The following ADGRE5 variants were observed in gnomAD, a reference collection of about 807,000 sequenced individuals.
ADGRE5 encodes the protein CD97 molecule.
Under a neutral mutation model 100.3 loss-of-function variants are expected in ADGRE5, and 72 were observed. The observed-to-expected ratio is 0.72, with a 90% CI of 0.59 to 0.87. The LOEUF is 0.87. Among genes scored for constraint, ADGRE5 ranks in the 40% least tolerant of loss-of-function variants. The probability of loss-of-function intolerance (pLI) is 0.00; values close to 1 mark genes in which losing one functional copy is unlikely to be tolerated. For synonymous variants in ADGRE5, 439 were observed against 447.8 expected (o/e 0.98, Z 0.25); for missense variants, 959 against 1,094.7 (o/e 0.88, Z 1.75).
chr19:14,399,601 G>A (rs1469770239), intron 9 of ADGRE5, among the ~76,000 whole-genome samples: 2 of 141,484 alleles, frequency 1.4e-5, no homozygotes, highest in East Asian at 2.1e-4. Context: ...AAAATTAGCT[G>A]GCGTGGTGGT....
rs201012570 is a variant in ADGRE5 at position 14,388,725 on chromosome 19, A to G, written c.97A>G (p.Asn33Asp). The G allele has an allele frequency of 1.1e-3, 1,746 of 1,607,854 alleles. 23 individuals are homozygous for G. The South Asian group carries it at 0.014, about 13-fold the overall frequency. ...AGGCTGTGCCCGGTGGTGCCCTCAG[A>G]ACTCCTCGTGTGTCAATGCCACCGC... ...SRGCARWCPQ[N>D]SSCVNATACR... Residue 33 changes from asparagine to aspartate, a missense_variant, in exon 3 of 20, where the codon AAC becomes GAC. By Grantham distance (23) the Asn-to-Asp change is conservative. Around this residue, in one of 6 missense-constraint regions of ADGRE5, gnomAD observed 114 missense variants for 195.7 expected, o/e 0.58. Coordinates refer to ENST00000242786, the MANE Select transcript of ADGRE5 (RefSeq NM_078481.4).
At chr19:14,404,344 T>G in intron 12 of ADGRE5, 39 bp from the exon 13 acceptor site, 1 of 1,582,732 alleles carries the variant, frequency 6.3e-7, no homozygotes, top group African/African-American at 1.4e-5. Context: ...AAGAGTGAGC[T>G]CCAGGCCAAC....
chr19:14,400,741 A>C (rs1351378139), intron 9 of ADGRE5, among the ~76,000 whole-genome samples: 1 of 152,078 alleles, frequency 6.6e-6, no homozygotes, highest in Non-Finnish European at 1.5e-5. Flanking sequence ...GCAGTGAGCC[A>C]AGATCGCGCC....
At position 14,402,877 on chromosome 19, in the gene ADGRE5, T is replaced by C. The variant is rs200692235; in HGVS notation, c.1449+15T>C. On this transcript the variant is annotated intron_variant, in intron 12 of 19. Coordinates refer to ENST00000242786, the MANE Select transcript of ADGRE5 (RefSeq NM_078481.4). Reference sequence around the variant, plus strand: ...CTCCTGCCAAGGTCTCTGCTCACTCTGCTCACTTCCTCAAAGATAACCCAG... The same window carrying C: ...CTCCTGCCAAGGTCTCTGCTCACTCCGCTCACTTCCTCAAAGATAACCCAG... The C allele has an allele frequency of 1.0e-3, 1,638 of 1,613,066 alleles. 2 individuals are homozygous for C. The highest frequency in any genetic ancestry group is 1.2e-3 in the Non-Finnish European group (1,409 of 1,179,406).
chr19:14,400,310 G>T (rs185199297), intron 9 of ADGRE5, among the ~76,000 whole-genome samples: 1 of 151,638 alleles, frequency 6.6e-6, no homozygotes, highest in Non-Finnish European at 1.5e-5. Context: ...GTGAGCCACC[G>T]CGCCCAGCCA....
chr19:14,405,774 G>C lies in ADGRE5; in HGVS notation c.1656G>C (p.Arg552Ser), dbSNP rs781476679. The C allele has an allele frequency of 5.6e-6, 9 of 1,613,646 alleles. No individual in the cohort carries two copies. The South Asian group carries it at 9.9e-5, about 18-fold the overall frequency. ...ACTGGAAGCTGACCCTGATCACCAG[G>C]GTGGGACTGGCGCTGTCACTCTTCT... is the stretch of plus-strand genomic sequence containing the variant. Reference protein sequence around the residue: ...VEDWKLTLITRVGLALSLFCL... With the variant: ...VEDWKLTLITSVGLALSLFCL... The change falls in exon 14 of 20, where the codon AGG (arginine) becomes AGC (serine). Residue 552 changes from arginine to serine, a missense_variant. Physicochemically the swap from Arg to Ser is moderately radical, Grantham distance 110 (BLOSUM62 -1). Around this residue, in one of 6 missense-constraint regions of ADGRE5, gnomAD observed 428 missense variants for 386.2 expected, o/e 1.11. Transcript: ENST00000242786.
At chr19:14,404,270 G>A in intron 12 of ADGRE5, 113 bp from the exon 13 acceptor site, 1 of 919,672 alleles carries the variant, frequency 1.1e-6, no homozygotes, top group Non-Finnish European at 1.6e-6. Context: ...CATTCAGTAG[G>A]CGCTCGGTCA....
chr19:14,383,070 G>A (rs563351945), intron 1 of ADGRE5, among the ~76,000 whole-genome samples: 2 of 152,140 alleles, frequency 1.3e-5, no homozygotes, highest in Non-Finnish European at 2.9e-5. Flanking sequence ...GGGCTTGGTG[G>A]TGTGCGCCTG....
In ADGRE5 at chr19:14,406,073, G is replaced by T; in HGVS notation, c.1821+134G>T. ...GAGGCCCCGCCCCTGTCCGGGATCT[G>T]GCCCCGCCCACCGGGGGGTCGGGTT... is the stretch of plus-strand genomic sequence containing the variant. On this transcript the variant is annotated intron_variant, in intron 14 of 19. Transcript: ENST00000242786. The surrounding 1 kb of genome is among the most constrained non-coding windows in gnomAD (Gnocchi z 6.0). 1.2e-6 allele frequency: 1 copy of T among 809,054 alleles called. No individual in the cohort carries two copies. Among genetic ancestry groups the T allele is most frequent in the Non-Finnish European group, 1.9e-6 (1 of 527,780 alleles). The allele number at this position is 809,054 out of a possible 1,614,324, so 50.1% of individuals were successfully genotyped here.
At chr19:14,407,769 T>C in intron 18 of ADGRE5, 139 bp from the exon 19 acceptor site, 1 of 690,708 alleles carries the variant, frequency 1.4e-6, no homozygotes, top group South Asian at 1.8e-5. Flanking sequence ...CACTCCAGCC[T>C]GGGTGACAGG....
chr19:14,406,832 C>G lies in ADGRE5; in HGVS notation c.2116-37C>G. The G allele has an allele frequency of 1.2e-6, 2 of 1,611,400 alleles. No homozygotes were observed. The highest frequency in any genetic ancestry group is 1.7e-5 in the Admixed American group (1 of 60,028). On this transcript the variant is annotated intron_variant, in intron 16 of 19. Coordinates refer to ENST00000242786, the MANE Select transcript of ADGRE5 (RefSeq NM_078481.4). This position sits in a 1 kb window ranked among gnomAD's most constrained non-coding sequence, Gnocchi z 6.0. Reference sequence around the variant, plus strand: ...AGGCCCAGGCCCGGCTGGACCATCGCTCTCGCCCTCTAACCCACAATCTGC... The same window carrying G: ...AGGCCCAGGCCCGGCTGGACCATCGGTCTCGCCCTCTAACCCACAATCTGC...
chr19:14,408,450 T>C lies in ADGRE5; in HGVS notation c.*329T>C, dbSNP rs1364351450. ...ACTCGGGACAGACTAAGGGCGCTTG[T>C]CCCATCCTGGACTTTTCCTCTCATG... On this transcript the variant is annotated 3_prime_UTR_variant, in exon 20 of 20. Transcript: ENST00000242786. The C allele has an allele frequency of 1.3e-5, 7 of 554,744 alleles. No homozygotes were observed. The highest frequency in any genetic ancestry group is 1.6e-5 in the Non-Finnish European group (5 of 308,476). 34.4% of individuals were successfully genotyped at this position (554,744 alleles called of 1,614,324 possible).
Position 14,406,405 on chromosome 19 carries a change from C to A in ADGRE5, c.1896C>A (p.Leu632=). 1 of 1,593,168 alleles carries A rather than the reference C, an allele frequency of 6.3e-7. No individual in the cohort carries two copies. ...CFLAAFCWMS[L]EGLELYFLVV... ...TGGCCGCCTTCTGCTGGATGAGCCT[C>A]GAAGGCCTGGAGCTCTACTTTCTTG... The change falls in exon 15 of 20, where the codon CTC becomes CTA. Residue 632 remains leucine, a synonymous_variant. Transcript: ENST00000242786. This position sits in a 1 kb window ranked among gnomAD's most constrained non-coding sequence, Gnocchi z 6.0.
chr19:14,391,183 T>C, intron 4 of ADGRE5, 104 bp downstream of exon 4: 1 of 1,468,098 alleles, frequency 6.8e-7, no homozygotes. Flanking sequence ...GTAGGGTCAG[T>C]GCCTGGCGTC....
rs778091876 is a variant in ADGRE5, at chr19:14,404,548, C to T, written c.1615C>T (p.His539Tyr). 1.3e-5 allele frequency: 21 copies of T among 1,612,702 alleles called. No homozygotes were observed. The African/African-American group carries it at 1.3e-4, about 10-fold the overall frequency. The change falls in exon 13 of 20, where the codon CAT becomes TAT. Residue 539 changes from histidine to tyrosine, a missense_variant. By Grantham distance (83) the His-to-Tyr change is moderately conservative (BLOSUM62 2). Around this residue, in one of 6 missense-constraint regions of ADGRE5, gnomAD observed 428 missense variants for 386.2 expected, o/e 1.11. Transcript: ENST00000242786. ...GAGCAGCTTTGCGATCCTTATGGCTCATTATGACGTGGAGGTAAGTAGCTG... is the reference window on the plus strand; with the variant it reads ...GAGCAGCTTTGCGATCCTTATGGCTTATTATGACGTGGAGGTAAGTAGCTG... ...HLSSFAILMA[H>Y]YDVEDWKLTL...
At position 14,406,012 on chromosome 19, in the gene ADGRE5, C is replaced by T. The variant is rs1350512199; in HGVS notation, c.1821+73C>T. 7.4e-7 allele frequency: 1 copy of T among 1,349,904 alleles called. No individual in the cohort carries two copies. Among genetic ancestry groups the T allele is most frequent in the East Asian group, 2.5e-5 (1 of 40,470 alleles). The allele number at this position is 1,349,904 out of a possible 1,614,324, so 83.6% of individuals were successfully genotyped here. ...TGGGAGGGGTTAGCCCCGCCCACTC[C>T]CGGGGCTCAGTCGGGTAGGCGGGCC... On this transcript the variant is annotated intron_variant, in intron 14 of 19. Transcript: ENST00000242786. The surrounding 1 kb of genome is among the most constrained non-coding windows in gnomAD (Gnocchi z 6.0).
chr19:14,383,044 T>C lies in ADGRE5; in HGVS notation c.22+1499T>C, dbSNP rs893029234. ...AGCCACCGCGCCCAGCCAAAAAAAATTTTTTTTAATTAGTCGGGCTTGGTG... is the reference window on the plus strand; with the variant it reads ...AGCCACCGCGCCCAGCCAAAAAAAACTTTTTTTAATTAGTCGGGCTTGGTG... On this transcript the variant is annotated intron_variant, in intron 1 of 19. Coordinates refer to ENST00000242786, the MANE Select transcript of ADGRE5 (RefSeq NM_078481.4). Among the ~76,000 whole-genome samples, 7 of 150,274 alleles carry C rather than the reference T, an allele frequency of 4.7e-5. No homozygotes were observed. In the South Asian group the frequency reaches 1.3e-3, roughly 29 times the overall value.
Position 14,406,638 on chromosome 19 carries a change from C to T in ADGRE5, c.2049-62C>T. 2 of 1,603,198 alleles carry T rather than the reference C, an allele frequency of 1.2e-6. No homozygotes were observed. Among genetic ancestry groups the T allele is most frequent in the Non-Finnish European group, 1.7e-6 (2 of 1,170,340 alleles). ...AGGCAGTGCCACACACAATGTCCGG[C>T]CGCCCTCCGTTCCGCTCCTGGCTTC... On this transcript the variant is annotated intron_variant, in intron 15 of 19. Coordinates refer to ENST00000242786, the MANE Select transcript of ADGRE5 (RefSeq NM_078481.4). The surrounding 1 kb of genome is among the most constrained non-coding windows in gnomAD (Gnocchi z 6.0).
chr19:14,385,361 GTCTC>G (rs915265601), intron 1 of ADGRE5, among the ~76,000 whole-genome samples: 1 of 151,600 alleles, frequency 6.6e-6, no homozygotes, highest in Non-Finnish European at 1.5e-5. Context: ...CTCTTTCTGT[GTCTC>G]TCTTTCTTTC....
Sources: allele counts gnomAD v4.1 joint callset (sites outside exome capture counted in the v4.1 genomes callset), GRCh38; gene constraint gnomAD v4.1.1; regional missense constraint gnomAD v4.1.1; non-coding constraint Gnocchi (gnomAD v3.1); transcripts MANE v1.5; gene names NCBI Gene and HGNC (gene_info 2026-07-23, HGNC 2026-07-21).